DYNC2H1: variants seen among roughly 807,000 people sequenced by gnomAD.
The protein encoded by DYNC2H1 is dynein cytoplasmic 2 heavy chain 1, also known as cytoplasmic dynein 2 heavy chain 1.
A neutral mutation model predicts 570.0 loss-of-function variants in DYNC2H1; 410 were observed. That is an observed-to-expected ratio of 0.72 (90% CI 0.66 to 0.78). The LOEUF is 0.78. Ranked by LOEUF, DYNC2H1 falls within the 30% of genes least tolerant of loss-of-function variation. DYNC2H1 has a pLI of 0.00. For missense variants in DYNC2H1, 4,865 were observed against 5,046.4 expected (o/e 0.96, Z 1.09); for synonymous variants, 1,688 against 1,677.6 (o/e 1.01, Z -0.15).
intron 70 of DYNC2H1, among the ~76,000 whole-genome samples, chr11:103,272,876 TAG>T (rs1326568371): frequency 1.3e-5 from 2 of 152,150 alleles, no homozygotes; most frequent in Non-Finnish European, 2.9e-5. Context: ...GTTATTCATT[TAG>T]AGAGTTATTC....
At chr11:103,453,713 A>T (rs1565612592) in intron 85 of DYNC2H1, among the ~76,000 whole-genome samples, 1 of 150,802 alleles carries the variant, frequency 6.6e-6, no homozygotes, top group African/African-American at 2.4e-5. Context: ...CATTAATGAA[A>T]TAGTAGTATA....
chr11:103,179,205 A>G lies in DYNC2H1; in HGVS notation c.6319A>G (p.Ile2107Val), dbSNP rs761661066. Residue 2107 changes from isoleucine to valine, a missense_variant, in exon 39 of 89, where the codon ATA (isoleucine) becomes GTA (valine). Around this residue, in one of 5 missense-constraint regions of DYNC2H1, gnomAD observed 231 missense variants for 310.3 expected, o/e 0.74. Transcript: ENST00000375735. ...HDLSCASPAT[I>V]SRMGMIFLSD... The stretch of plus-strand genomic sequence containing the variant: ...TTTAAGTTGTGCATCACCAGCCACA[A>G]TATCTAGAATGGGAATGATCTTTCT... 6 of 1,612,878 alleles carry G rather than the reference A, an allele frequency of 3.7e-6. No individual in the cohort carries two copies. The highest frequency in any genetic ancestry group is 3.3e-5 in the South Asian group (3 of 91,056).
At position 103,253,290 on chromosome 11, in the gene DYNC2H1, C is replaced by A. The variant is rs149452352; in HGVS notation, c.10048C>A (p.Arg3350Ser). Reference sequence around the variant, plus strand: ...TGTGTGTTTTTTTTAAATAGGACCACGTTATGTGGTACAAATAGGTGACAA... The same window carrying A: ...TGTGTGTTTTTTTTAAATAGGACCAAGTTATGTGGTACAAATAGGTGACAA... ...LRRDLVAQGPRYVVQIGDKII... is the reference protein window; with the variant it reads ...LRRDLVAQGPSYVVQIGDKII... The change falls in exon 66 of 89, where the codon CGT becomes AGT. Residue 3350 changes from arginine to serine, a missense_variant. Physicochemically the swap from Arg to Ser is moderately radical, Grantham distance 110. Transcript: ENST00000375735. 1.2e-6 allele frequency: 2 copies of A among 1,610,322 alleles called. No individual in the cohort carries two copies. The highest frequency in any genetic ancestry group is 1.7e-6 in the Non-Finnish European group (2 of 1,177,870).
In DYNC2H1 at chr11:103,253,271, T is replaced by TG. The variant is rs758414007; in HGVS notation, c.10043-14_10043-13insG. 34 of 1,591,466 alleles carry TG rather than the reference T, an allele frequency of 2.1e-5. No homozygotes were observed. The highest frequency in any genetic ancestry group is 2.8e-5 in the Non-Finnish European group (33 of 1,167,516). On this transcript the variant is annotated splice_polypyrimidine_tract_variant and intron_variant, in intron 65 of 88. Coordinates refer to ENST00000375735, the MANE Select transcript of DYNC2H1 (RefSeq NM_001377.3). ...AAGATTCAGACCAACCAATTGTGTGTTTTTTTTAAATAGGACCACGTTATG... is the reference window on the plus strand; with the variant it reads ...AAGATTCAGACCAACCAATTGTGTGTGTTTTTTTAAATAGGACCACGTTATG...
chr11:103,303,476 A>G (rs1336271251), intron 76 of DYNC2H1, among the ~76,000 whole-genome samples: 2 of 152,136 alleles, frequency 1.3e-5, no homozygotes, highest in Non-Finnish European at 1.5e-5. Context: ...TGGATTAGCC[A>G]GGTGGACCCA....
intron 84 of DYNC2H1, among the ~76,000 whole-genome samples, chr11:103,422,619 G>A (rs1943526483): frequency 1.3e-5 from 2 of 152,232 alleles, no homozygotes; most frequent in South Asian, 2.1e-4. Context: ...TGCACAGAAG[G>A]CCTTCTGTAA....
intron 84 of DYNC2H1, among the ~76,000 whole-genome samples, chr11:103,414,816 A>AACTT (rs1045824557): frequency 6.6e-6 from 1 of 152,208 alleles, no homozygotes; most frequent in Non-Finnish European, 1.5e-5. Flanking sequence ...CTAAGAATAC[A>AACTT]ACTTTCAAGA....
At chr11:103,281,466 T>G (rs1400155547) in intron 71 of DYNC2H1, among the ~76,000 whole-genome samples, 1 of 152,042 alleles carries the variant, frequency 6.6e-6, no homozygotes, top group Non-Finnish European at 1.5e-5. Flanking sequence ...CATATTTTAC[T>G]TATTTGTGGC....
chr11:103,172,994 A>G (rs1861634122), intron 34 of DYNC2H1, 88 bp from the exon 35 acceptor site: 1 of 660,112 alleles, frequency 1.5e-6, no homozygotes, highest in Non-Finnish European at 2.1e-6. Context: ...TTTTATGTTT[A>G]TAGTTTCAAA....
At chr11:103,301,202 C>T (rs1867032745) in intron 75 of DYNC2H1, among the ~76,000 whole-genome samples, 1 of 151,896 alleles carries the variant, frequency 6.6e-6, no homozygotes, top group African/African-American at 2.4e-5. Flanking sequence ...TAATGTATGG[C>T]TATCAGAAAT....
At chr11:103,123,099 C>A in intron 11 of DYNC2H1, 99 bp downstream of exon 11, 1 of 987,048 alleles carries the variant, frequency 1.0e-6, no homozygotes, top group African/African-American at 1.7e-5. Context: ...TCCAAACTTG[C>A]TACTCCTCCT....
intron 88 of DYNC2H1, among the ~76,000 whole-genome samples, chr11:103,476,606 T>C (rs576212284): frequency 1.8e-4 from 28 of 152,198 alleles, no homozygotes; most frequent in Non-Finnish European, 3.8e-4. Context: ...GGAATCATTT[T>C]ACCTAGAGAA....
intron 70 of DYNC2H1, among the ~76,000 whole-genome samples, chr11:103,274,905 G>T (rs1221803213): frequency 6.6e-6 from 1 of 151,908 alleles, no homozygotes; most frequent in Admixed American, 6.6e-5. Flanking sequence ...GACCAACCTG[G>T]TCAACATGGC....
At chr11:103,336,332 G>A (rs1376740299) in intron 82 of DYNC2H1, among the ~76,000 whole-genome samples, 1 of 152,148 alleles carries the variant, frequency 6.6e-6, no homozygotes, top group Non-Finnish European at 1.5e-5. Context: ...TGAAATATAC[G>A]ATAAATTATT....
chr11:103,186,140 G>T lies in DYNC2H1; in HGVS notation c.6634-102G>T. 8.6e-7 allele frequency: 1 copy of T among 1,161,274 alleles called. No individual in the cohort carries two copies. The highest frequency in any genetic ancestry group is 1.2e-6 in the Non-Finnish European group (1 of 846,292). The allele number at this position is 1,161,274 out of a possible 1,614,324, so 71.9% of individuals were successfully genotyped here. The stretch of plus-strand genomic sequence containing the variant: ...GGTTTAGTTTATGTAAAGTTTTCTT[G>T]GAACTAAGATGATTTACTTTTGGGA... On this transcript the variant is annotated intron_variant, in intron 41 of 88. Transcript: ENST00000375735. The surrounding 1 kb of genome is among the most constrained non-coding windows in gnomAD (Gnocchi z 4.5).
At chr11:103,434,891 G>A (rs989120923) in intron 84 of DYNC2H1, among the ~76,000 whole-genome samples, 1 of 151,990 alleles carries the variant, frequency 6.6e-6, no homozygotes, top group South Asian at 2.1e-4. Context: ...CGAAAGGCAG[G>A]AAATATAAGC....
At chr11:103,424,141 A>G (rs1943586061) in intron 84 of DYNC2H1, among the ~76,000 whole-genome samples, 1 of 152,100 alleles carries the variant, frequency 6.6e-6, no homozygotes, top group African/African-American at 2.4e-5. Flanking sequence ...ATTTTGGGGG[A>G]TTGATAAAAA....
At chr11:103,197,594 C>T (rs1313133662) in intron 47 of DYNC2H1, among the ~76,000 whole-genome samples, 5 of 152,042 alleles carry the variant, frequency 3.3e-5, no homozygotes, top group East Asian at 1.9e-4. Flanking sequence ...ACCACAGGTG[C>T]GTGCCACCAC....
chr11:103,414,783 T>C (rs878873997), intron 84 of DYNC2H1, among the ~76,000 whole-genome samples: 2 of 152,158 alleles, frequency 1.3e-5, no homozygotes, highest in South Asian at 2.1e-4. Flanking sequence ...CCATTCACAA[T>C]TGCTGCAAAG....
Sources: allele counts gnomAD v4.1 joint callset (sites outside exome capture counted in the v4.1 genomes callset), GRCh38; gene constraint gnomAD v4.1.1; regional missense constraint gnomAD v4.1.1; non-coding constraint Gnocchi (gnomAD v3.1); transcripts MANE v1.5; gene names NCBI Gene and HGNC (gene_info 2026-07-23, HGNC 2026-07-21).